Variants in ENOX2 observed in about 807,000 individuals in gnomAD.
ENOX2 encodes ecto-NOX disulfide-thiol exchanger 2, also known as APK1 antigen.
A neutral mutation model predicts 45.0 loss-of-function variants in ENOX2; 36 were observed. The ratio of observed to expected loss-of-function variants is 0.80; its 90% CI spans 0.61 to 1.06. The LOEUF is 1.06. Among genes scored for constraint, ENOX2 ranks in the 50% least tolerant of loss-of-function variants. The pLI is 0.00. For missense variants in ENOX2, 423 were observed against 462.5 expected, an observed-to-expected ratio of 0.91 and a Z score of 0.78; for synonymous variants, 174 against 152.3, an observed-to-expected ratio of 1.14 and a Z score of -1.05.
chrX:130,864,920 G>C (rs1249318789), intron 2 of ENOX2, among the ~76,000 whole-genome samples: 1 of 111,103 alleles, frequency 9.0e-6, no homozygotes, highest in Non-Finnish European at 1.9e-5. Flanking sequence ...ACTGAGGCAC[G>C]AGAATTGCTT....
intron 2 of ENOX2, among the ~76,000 whole-genome samples, chrX:130,859,872 T>C (rs1603372553): frequency 1.8e-5 from 2 of 111,832 alleles, no homozygotes; most frequent in South Asian, 3.8e-4. Context: ...AATTTTAAGA[T>C]ACCACATTCT....
intron 3 of ENOX2, among the ~76,000 whole-genome samples, chrX:130,727,809 C>T (rs1258945157): frequency 8.9e-6 from 1 of 111,793 alleles, no homozygotes; most frequent in African/African-American, 3.3e-5. Flanking sequence ...ATCCCCTCAT[C>T]TCCAAATTAT....
intron 3 of ENOX2, among the ~76,000 whole-genome samples, chrX:130,739,876 A>G (rs1468043079): frequency 8.9e-6 from 1 of 112,499 alleles, no homozygotes; most frequent in Non-Finnish European, 1.9e-5. Flanking sequence ...CAGGGTCTAG[A>G]TGCTACAAAG....
At chrX:130,845,335 A>G (rs893588766) in intron 2 of ENOX2, among the ~76,000 whole-genome samples, 8 of 112,867 alleles carry the variant, frequency 7.1e-5, no homozygotes, top group African/African-American at 2.6e-4. Flanking sequence ...GATTACTAGT[A>G]CATACCCTTT....
intron 3 of ENOX2, among the ~76,000 whole-genome samples, chrX:130,782,465 A>G (rs757675644): frequency 8.9e-6 from 1 of 111,769 alleles, no homozygotes; most frequent in African/African-American, 3.2e-5. Flanking sequence ...CATGCTCCAG[A>G]AAACAGAGCT....
At chrX:130,638,067 C>CTTT (rs752457979) in intron 10 of ENOX2, among the ~76,000 whole-genome samples, 13 of 101,194 alleles carry the variant, frequency 1.3e-4, no homozygotes, top group African/African-American at 4.0e-4. Flanking sequence ...TCCTTCCTTC[C>CTTT]TTTTTTTTTT....
In ENOX2 at chrX:130,770,568, T is replaced by TA. The variant is rs904409103; in HGVS notation, c.-39+12978dup. ...AAAGAACCCTTACAAGTCCATAATTTAAAAAAAAAGAAAAATGGGCAAAGG... is the reference window on the plus strand; with the variant it reads ...AAAGAACCCTTACAAGTCCATAATTTAAAAAAAAAAGAAAAATGGGCAAAGG... On this transcript the variant is annotated intron_variant, in intron 3 of 14. Transcript: ENST00000394363. 1.4e-4 allele frequency among the ~76,000 whole-genome samples: 15 copies of TA among 109,044 alleles called. No homozygotes were observed. In the East Asian group the frequency reaches 2.6e-3, roughly 19 times the overall value. The allele number at this position is 109,044 out of a possible 115,157, so 94.7% of individuals were successfully genotyped here. A position where few individuals can be genotyped will look rare whatever the true frequency, so the allele number is the denominator to read the frequency against.
At chrX:130,748,803 C>T (rs1172001521) in intron 3 of ENOX2, among the ~76,000 whole-genome samples, 1 of 111,788 alleles carries the variant, frequency 8.9e-6, no homozygotes, top group African/African-American at 3.3e-5. Context: ...GCTTGATGCC[C>T]TGGAGTACTG....
At chrX:130,816,108 G>C (rs962096407) in intron 2 of ENOX2, among the ~76,000 whole-genome samples, 3 of 110,946 alleles carry the variant, frequency 2.7e-5, no homozygotes, top group African/African-American at 9.8e-5. Flanking sequence ...AAAAAGCAGG[G>C]GTTGCAATCC....
chrX:130,622,580 T>C lies in ENOX2; in HGVS notation c.*2734A>G. 8.9e-6 allele frequency among the ~76,000 whole-genome samples: 1 copy of C among 111,757 alleles called. No individual in the cohort carries two copies. The highest frequency in any genetic ancestry group is 2.8e-4 in the East Asian group (1 of 3,575). ...AAAAGAAACCTTCCATTCATTATTA[T>C]ATTGAAGAAACGCTAACTACTGTAT... On this transcript the variant is annotated 3_prime_UTR_variant, in exon 15 of 15. Transcript: ENST00000394363.
chrX:130,755,466 G>T (rs908904323), intron 3 of ENOX2, among the ~76,000 whole-genome samples: 6 of 111,353 alleles, frequency 5.4e-5, no homozygotes, highest in Non-Finnish European at 9.4e-5. Context: ...GGTAAAGTCT[G>T]CTCTCTGGGA....
intron 9 of ENOX2, among the ~76,000 whole-genome samples, chrX:130,659,529 T>C (rs1045683454): frequency 2.7e-5 from 3 of 112,534 alleles, no homozygotes; most frequent in African/African-American, 9.7e-5. Flanking sequence ...TAAAGGAATT[T>C]CTCATTTCTG....
chrX:130,806,390 G>T (rs751482199), intron 2 of ENOX2, among the ~76,000 whole-genome samples: 100 of 112,301 alleles, frequency 8.9e-4, no homozygotes, highest in Middle Eastern at 4.6e-3. Flanking sequence ...AAAAGCAAAT[G>T]AATAAGGACT....
At chrX:130,692,959 T>A (rs1463094478) in intron 4 of ENOX2, among the ~76,000 whole-genome samples, 2 of 111,449 alleles carry the variant, frequency 1.8e-5, no homozygotes, top group Non-Finnish European at 3.8e-5. Context: ...ATGCTGTCTG[T>A]TAGCTGGGGC....
chrX:130,663,353 A>ACAGAGC, intron 9 of ENOX2, among the ~76,000 whole-genome samples: 1 of 110,742 alleles, frequency 9.0e-6, no homozygotes, highest in South Asian at 3.9e-4. Flanking sequence ...CAACATGGTG[A>ACAGAGC]AAACCCATCT....
At chrX:130,669,227 T>C (rs1263881987) in intron 7 of ENOX2, among the ~76,000 whole-genome samples, 1 of 111,972 alleles carries the variant, frequency 8.9e-6, no homozygotes, top group Non-Finnish European at 1.9e-5. Flanking sequence ...TAAAATCATC[T>C]ATACTCAGAA....
chrX:130,657,995 T>C (rs2036590615), intron 9 of ENOX2, among the ~76,000 whole-genome samples: 1 of 111,540 alleles, frequency 9.0e-6, no homozygotes, highest in South Asian at 3.7e-4. Context: ...AGCAGAGGAA[T>C]AGAAACATTT....
chrX:130,813,633 C>T (rs1247750756), intron 2 of ENOX2, among the ~76,000 whole-genome samples: 9 of 111,593 alleles, frequency 8.1e-5, no homozygotes, highest in Admixed American at 5.7e-4. Context: ...TCACCTCACG[C>T]GGGAAGCTCA....
chrX:130,834,415 T>A (rs2077892490), intron 2 of ENOX2, among the ~76,000 whole-genome samples: 1 of 111,986 alleles, frequency 8.9e-6, no homozygotes, highest in Non-Finnish European at 1.9e-5. Context: ...TTTTCTTAAC[T>A]GCTCTTTAAC....
Sources: gnomAD v4.1 joint callset for allele counts (sites outside exome capture counted in the v4.1 genomes callset) on GRCh38, gnomAD v4.1.1 for gene constraint, MANE v1.5 for transcripts, NCBI Gene and HGNC (gene_info 2026-07-23, HGNC 2026-07-21) for gene names.